ANKRD26: variants seen among roughly 807,000 people sequenced by gnomAD.
The protein encoded by ANKRD26 is ankyrin repeat domain-containing protein 26.
A neutral mutation model predicts 208.7 loss-of-function variants in ANKRD26; 141 were observed. The observed-to-expected ratio is 0.68, with a 90% CI of 0.59 to 0.78. The LOEUF is 0.78. Ranked by LOEUF, ANKRD26 falls within the 30% of genes least tolerant of loss-of-function variation. The probability of loss-of-function intolerance (pLI) is 0.00; values close to 1 mark genes in which losing one functional copy is unlikely to be tolerated. For missense variants in ANKRD26, 1,889 were observed against 1,938.7 expected, an observed-to-expected ratio of 0.97 and a Z score of 0.48; for synonymous variants, 636 against 660.4, an observed-to-expected ratio of 0.96 and a Z score of 0.57.
At chr10:26,974,309 A>T (rs1013353267) in exon 6 of ANKRD26, among the ~76,000 whole-genome samples, 6 of 149,982 alleles carry the variant, frequency 4.0e-5, no homozygotes, top group African/African-American at 1.5e-4. Context: ...CTGGGTCATC[A>T]TTCCTTTGCA....
At chr10:26,965,791 GACAA>G in the ANKRD26 span, among the ~76,000 whole-genome samples, 1 of 151,774 alleles carries the variant, frequency 6.6e-6, no homozygotes, top group Non-Finnish European at 1.5e-5. Context: ...ACAAGGAAAA[GACAA>G]ACAACCTCAT....
chr10:27,080,679 C>A lies in ANKRD26; in HGVS notation c.741-1518G>T, dbSNP rs543874646. 7 of 985,478 alleles carry A rather than the reference C, an allele frequency of 7.1e-6. No homozygotes were observed. The African/African-American group carries it at 1.0e-4, about 15-fold the overall frequency. The allele number at this position is 985,478 out of a possible 1,614,324, so 61.0% of individuals were successfully genotyped here. A position where few individuals can be genotyped will look rare whatever the true frequency, so the allele number is the denominator to read the frequency against. Reference sequence around the variant, plus strand: ...CCTCTTCTGCAGGGCTCCATAGCATCTCCAACCTTTAAGTCTTCAGCCTAT... The same window carrying A: ...CCTCTTCTGCAGGGCTCCATAGCATATCCAACCTTTAAGTCTTCAGCCTAT... On this transcript the variant is annotated intron_variant, in intron 6 of 33. Coordinates refer to ENST00000376087, the MANE Select transcript of ANKRD26 (RefSeq NM_014915.3).
At chr10:26,959,642 CTT>C in the ANKRD26 span, among the ~76,000 whole-genome samples, 11 of 137,770 alleles carry the variant, frequency 8.0e-5, no homozygotes, top group Non-Finnish European at 1.1e-4. Context: ...TTCGAATGCA[CTT>C]TTTTTTTTTT....
chr10:27,065,732 C>CAAAAAAAAAA (rs67274022), intron 11 of ANKRD26, among the ~76,000 whole-genome samples: 1 of 137,370 alleles, frequency 7.3e-6, no homozygotes. Flanking sequence ...TGTCAAAAAA[C>CAAAAAAAAAA]AAAAAAAAAA....
downstream of ANKRD26, among the ~76,000 whole-genome samples, chr10:26,972,656 T>C (rs931644291): frequency 1.1e-4 from 16 of 149,996 alleles, no homozygotes; most frequent in Non-Finnish European, 2.1e-4. Flanking sequence ...AGTGGTGTGA[T>C]CTTGGCTCAC....
intron 5 of ANKRD26, among the ~76,000 whole-genome samples, chr10:26,980,373 C>A (rs1330860218): frequency 1.3e-5 from 2 of 152,166 alleles, no homozygotes; most frequent in Non-Finnish European, 2.9e-5. Context: ...GTGCTTTTTC[C>A]AGCCATTCCT....
At chr10:26,970,506 C>T (rs928915670), downstream of ANKRD26, among the ~76,000 whole-genome samples, 1 of 152,146 alleles carries the variant, frequency 6.6e-6, no homozygotes, top group African/African-American at 2.4e-5. Flanking sequence ...GCCTGCTCCC[C>T]CTTTGCCTTC....
rs1342804406 is a variant in ANKRD26, at chr10:27,095,955, T to C, written c.243-2156A>G. On this transcript the variant is annotated intron_variant, in intron 1 of 33. Coordinates refer to ENST00000376087, the MANE Select transcript of ANKRD26 (RefSeq NM_014915.3). ...CCTGCTCACACCCTTAACAGGACTT[T>C]TCATATGGGATCCCAAATGGATTCT... Among the ~76,000 whole-genome samples the C allele has an allele frequency of 2.0e-5, 3 of 152,122 alleles. No individual in the cohort carries two copies. In the South Asian group the frequency reaches 6.2e-4, roughly 32 times the overall value.
downstream of ANKRD26, among the ~76,000 whole-genome samples, chr10:26,969,161 T>C (rs2052109235): frequency 6.6e-6 from 1 of 152,196 alleles, no homozygotes; most frequent in African/African-American, 2.4e-5. Flanking sequence ...CTAGGGTCAA[T>C]GAAGTGCCCG....
At chr10:27,084,437 T>C (rs1003115158) in intron 5 of ANKRD26, among the ~76,000 whole-genome samples, 108 of 152,310 alleles carry the variant, frequency 7.1e-4, no homozygotes, top group African/African-American at 2.6e-3. Context: ...ATATTCATAT[T>C]TCTTGCAACT....
chr10:27,067,229 T>G lies in ANKRD26; in HGVS notation c.1135A>C (p.Ser379Arg), dbSNP rs1433930124. 1 of 1,613,534 alleles carries G rather than the reference T, an allele frequency of 6.2e-7. No individual in the cohort carries two copies. The highest frequency in any genetic ancestry group is 1.3e-5 in the African/African-American group (1 of 74,934). The change falls in exon 10 of 34, where the codon AGT (serine) becomes CGT (arginine). Residue 379 changes from serine to arginine, a missense_variant. Transcript: ENST00000376087. Reference sequence around the variant, plus strand: ...TTATTTGTTTGCTCTAGTGGAGCACTTTCAATAATATCAATACCATTTTCT... The same window carrying G: ...TTATTTGTTTGCTCTAGTGGAGCACGTTCAATAATATCAATACCATTTTCT... Reference protein sequence around the residue: ...KKENGIDIIESAPLEQTNNDN... With the variant: ...KKENGIDIIERAPLEQTNNDN...
intron 32 of ANKRD26, 123 bp downstream of exon 32, chr10:27,012,759 C>A (rs1251113773): frequency 1.1e-6 from 1 of 904,054 alleles, no homozygotes; most frequent in Non-Finnish European, 1.7e-6. Context: ...TTGCAGTGAG[C>A]CAAGATGGCA....
the ANKRD26 span, among the ~76,000 whole-genome samples, chr10:26,949,836 G>T: frequency 1.0e-3 from 159 of 152,228 alleles, 1 homozygote; most frequent in South Asian, 0.019. Flanking sequence ...TCTGAATAAG[G>T]AGTATACATT....
intron 9 of ANKRD26, among the ~76,000 whole-genome samples, chr10:27,072,371 T>C (rs1341288333): frequency 6.6e-6 from 1 of 152,172 alleles, no homozygotes; most frequent in East Asian, 1.9e-4. Flanking sequence ...CCTGGAACAC[T>C]ACTCTAGCAG....
Position 27,037,233 on chromosome 10 carries a change from A to G in ANKRD26, c.2650T>C (p.Ser884Pro). ...GCCATTTCAATCTCCTTTTGTTTGG[A>G]AAGGTGATTGGTCAGAATTCCATCT... The part of the protein sequence containing the change: ...LQDGILTNHL[S>P]KQKEIEMAQK... Residue 884 changes from serine to proline, a missense_variant, in exon 23 of 34, where the codon TCC becomes CCC. Transcript: ENST00000376087. The G allele has an allele frequency of 6.2e-7, 1 of 1,613,884 alleles. No individual in the cohort carries two copies. Among genetic ancestry groups the G allele is most frequent in the Non-Finnish European group, 8.5e-7 (1 of 1,179,824 alleles).
At chr10:27,092,559 C>T in intron 3 of ANKRD26, 47 bp from the exon 4 acceptor site, 1 of 1,370,104 alleles carries the variant, frequency 7.3e-7, no homozygotes, top group Non-Finnish European at 1.0e-6. Context: ...TTACATAATT[C>T]TCGGCTGAAC....
At chr10:26,999,807 C>CAAAAA (rs68192322), downstream of ANKRD26, among the ~76,000 whole-genome samples, 11 of 74,690 alleles carry the variant, frequency 1.5e-4, no homozygotes, top group Middle Eastern at 7.6e-3. Context: ...CAAAACCAAC[C>CAAAAA]AAAAAAAAAA....
At chr10:27,024,967 A>AT (rs1176320795) in intron 27 of ANKRD26, among the ~76,000 whole-genome samples, 4 of 152,270 alleles carry the variant, frequency 2.6e-5, no homozygotes, top group African/African-American at 7.2e-5. Context: ...TTCCCGTTAC[A>AT]TTTTTTATAC....
intron 25 of ANKRD26, chr10:27,030,495 G>A (rs1042654415): frequency 4.1e-6 from 4 of 985,360 alleles, no homozygotes; most frequent in Non-Finnish European, 4.8e-6. Context: ...CTGCTTTAGC[G>A]AGCACTCTGG....
Sources: allele counts gnomAD v4.1 joint callset (sites outside exome capture counted in the v4.1 genomes callset), GRCh38; gene constraint gnomAD v4.1.1; transcripts MANE v1.5; gene names NCBI Gene and HGNC (gene_info 2026-07-23, HGNC 2026-07-21).